The following AMTN variants were observed in gnomAD, a reference collection of about 807,000 sequenced individuals.
AMTN encodes amelotin, also known as RSTI689.
In AMTN, 29 loss-of-function variants were observed where a neutral mutation model predicts 27.4. The ratio of observed to expected loss-of-function variants is 1.06; its 90% confidence interval spans 0.79 to 1.44. AMTN has a LOEUF of 1.44. AMTN is among the 40% of genes most tolerant of loss of function. AMTN has a pLI of 0.00. For synonymous variants in AMTN, 86 were observed against 95.7 expected (o/e 0.90, Z 0.59); for missense variants, 247 against 248.8 (o/e 0.99, Z 0.05).
At chr4:70,522,569 TG>T (rs1450073379) in intron 2 of AMTN, among the ~76,000 whole-genome samples, 185 bp from the exon 3 acceptor site, 1 of 152,164 alleles carries the variant, frequency 6.6e-6, no homozygotes, top group Admixed American at 6.6e-5. Context: ...CCACCCCTCC[TG>T]GGCTGGCATT....
Position 70,531,093 on chromosome 4 carries a change from C to T in AMTN, c.412C>T (p.Pro138Ser). ...IHSLFPGGIL[P>S]TSQAGANPDV... ...TTCCTTGTTCCCGGGAGGCATCCTG[C>T]CCACCAGTCAGGCAGGGGCTAATCC... Residue 138 changes from proline to serine, a missense_variant, in exon 8 of 9, where the codon CCC becomes TCC. Coordinates refer to ENST00000339336, the MANE Select transcript of AMTN (RefSeq NM_212557.4). 6.2e-7 allele frequency: 1 copy of T among 1,614,098 alleles called. No individual in the cohort carries two copies. The highest frequency in any genetic ancestry group is 8.5e-7 in the Non-Finnish European group (1 of 1,179,998).
Position 70,532,624 on chromosome 4 carries a change from A to G in AMTN, c.*159A>G. On this transcript the variant is annotated 3_prime_UTR_variant, in exon 9 of 9. Transcript: ENST00000339336. Reference sequence around the variant, plus strand: ...AAATATTCTTGAAATTTCAGAAAATATGTTCTATGTAGAGAATCCCAACTT... The same window carrying G: ...AAATATTCTTGAAATTTCAGAAAATGTGTTCTATGTAGAGAATCCCAACTT... The G allele has an allele frequency of 1.5e-6, 1 of 662,788 alleles. No individual in the cohort carries two copies. Among genetic ancestry groups the G allele is most frequent in the East Asian group, 3.0e-5 (1 of 33,630 alleles). The allele number at this position is 662,788 out of a possible 1,614,324, so 41.1% of individuals were successfully genotyped here.
chr4:70,522,092 GT>G (rs902720499), intron 2 of AMTN, among the ~76,000 whole-genome samples: 6 of 151,464 alleles, frequency 4.0e-5, no homozygotes, highest in Admixed American at 6.6e-5. Flanking sequence ...CAAAAGAGAA[GT>G]TTTTTTTTCG....
intron 2 of AMTN, among the ~76,000 whole-genome samples, chr4:70,520,892 T>C (rs1030337515): frequency 6.6e-6 from 1 of 151,974 alleles, no homozygotes; most frequent in Non-Finnish European, 1.5e-5. Flanking sequence ...GAAAGAACAT[T>C]CCAGACAGAG....
chr4:70,520,449 G>A (rs1277522263), intron 2 of AMTN, among the ~76,000 whole-genome samples: 1 of 152,132 alleles, frequency 6.6e-6, no homozygotes, highest in Admixed American at 6.5e-5. Context: ...AAAATTTTGA[G>A]GATAGGTACC....
At position 70,524,925 on chromosome 4, in the gene AMTN, G is replaced by A. The variant is rs1222022187; in HGVS notation, c.258G>A (p.Leu86=). ...TPGTQTHPLT[L]GGLNVQQQLH... Reference sequence around the variant, plus strand: ...GTACCCAGACCCACCCATTGACCCTGGGAGGGTTGAATGTACAACAGCAAC... The same window carrying A: ...GTACCCAGACCCACCCATTGACCCTAGGAGGGTTGAATGTACAACAGCAAC... Residue 86 remains leucine (L), a synonymous_variant, in exon 5 of 9, where the codon CTG becomes CTA. Coordinates refer to ENST00000339336, the MANE Select transcript of AMTN (RefSeq NM_212557.4). 6.2e-7 allele frequency: 1 copy of A among 1,614,026 alleles called. No individual in the cohort carries two copies. Among genetic ancestry groups the A allele is most frequent in the African/African-American group, 1.3e-5 (1 of 75,042 alleles).
Position 70,531,278 on chromosome 4 carries a change from A to T in AMTN, c.597A>T (p.Glu199Asp). 6.2e-7 allele frequency: 1 copy of T among 1,613,860 alleles called. No individual in the cohort carries two copies. Among genetic ancestry groups the T allele is most frequent in the Non-Finnish European group, 8.5e-7 (1 of 1,179,806 alleles). Reference sequence around the variant, plus strand: ...AAAGGAGCACACATGCCATCGAGGAAGCCACCACAGAATCAGCAAATGGTA... The same window carrying T: ...AAAGGAGCACACATGCCATCGAGGATGCCACCACAGAATCAGCAAATGGTA... ...GIQRSTHAIE[E>D]ATTESANGIQ The change falls in exon 8 of 9, where the codon GAA becomes GAT. Residue 199 changes from glutamate (E) to aspartate (D), a missense_variant. Coordinates refer to ENST00000339336, the MANE Select transcript of AMTN (RefSeq NM_212557.4).
At position 70,531,179 on chromosome 4, in the gene AMTN, A is replaced by G; in HGVS notation, c.498A>G (p.Gly166=). The change falls in exon 8 of 9, where the codon GGA becomes GGG. Residue 166 remains glycine, a synonymous_variant. Transcript: ENST00000339336. The part of the protein sequence containing the change: ...GGAGVNPATQ[G]TPAGRLPTPS... ...CAGGTGTAAATCCTGCCACCCAGGGAACCCCAGCAGGCCGCCTCCCAACTC... is the reference window on the plus strand; with the variant it reads ...CAGGTGTAAATCCTGCCACCCAGGGGACCCCAGCAGGCCGCCTCCCAACTC... 1.2e-6 allele frequency: 2 copies of G among 1,613,688 alleles called. No individual in the cohort carries two copies. Among genetic ancestry groups the G allele is most frequent in the Non-Finnish European group, 1.7e-6 (2 of 1,179,922 alleles).
Position 70,521,640 on chromosome 4 carries a change from C to CTTTTTTTTTTTTTTTTT in AMTN, c.55-1095_55-1079dup, listed in dbSNP as rs763143860. ...CCTAGAACAGATAATACCAACCTCTCTTTTTTTTTTTTTTTTTTTTTTTTT... is the reference window on the plus strand; with the variant it reads ...CCTAGAACAGATAATACCAACCTCTCTTTTTTTTTTTTTTTTTTTTTTTTTTTTTTTTTTTTTTTTTT... On this transcript the variant is annotated intron_variant, in intron 2 of 8. Transcript: ENST00000339336. Among the ~76,000 whole-genome samples, 19 of 76,488 alleles carry CTTTTTTTTTTTTTTTTT rather than the reference C, an allele frequency of 2.5e-4. 4 individuals carry two copies. Among genetic ancestry groups the CTTTTTTTTTTTTTTTTT allele is most frequent in the Non-Finnish European group, 3.4e-4 (15 of 43,848 alleles). The allele number at this position is 76,488 out of a possible 152,430, so 50.2% of individuals were successfully genotyped here. A position where few individuals can be genotyped will look rare whatever the true frequency, so the allele number is the denominator to read the frequency against.
rs188140839 is a variant in AMTN at position 70,523,241 on chromosome 4, T to G, written c.138+403T>G. On this transcript the variant is annotated intron_variant, in intron 3 of 8. Coordinates refer to ENST00000339336, the MANE Select transcript of AMTN (RefSeq NM_212557.4). The stretch of plus-strand genomic sequence containing the variant: ...TCAGAGATGATCTATAAAAAATAAC[T>G]GCAGATTTCCTCCTGGCTTTGTAAA... Among the ~76,000 whole-genome samples the G allele has an allele frequency of 1.9e-3, 286 of 152,328 alleles. 1 individual carries two copies. Among genetic ancestry groups the G allele is most frequent in the African/African-American group, 6.4e-3 (266 of 41,572 alleles).
In AMTN at chr4:70,518,904, C is replaced by T. The variant is rs1376078683; in HGVS notation, c.54+73C>T. The stretch of plus-strand genomic sequence containing the variant: ...CTCTAGCTGCAGACCTACCTCTCTC[C>T]TGCCCTCCATCAAAACTGCTCTGTT... On this transcript the variant is annotated intron_variant, in intron 2 of 8. Transcript: ENST00000339336. The T allele has an allele frequency of 1.1e-5, 14 of 1,225,896 alleles. No individual in the cohort carries two copies. In the African/African-American group the frequency reaches 1.6e-4, roughly 14 times the overall value. 75.9% of individuals were successfully genotyped at this position (1,225,896 alleles called of 1,614,324 possible).
At chr4:70,523,768 C>A in intron 3 of AMTN, 100 bp from the exon 4 acceptor site, 1 of 1,034,562 alleles carries the variant, frequency 9.7e-7, no homozygotes, top group Non-Finnish European at 1.5e-6. Flanking sequence ...GGTAAACCCA[C>A]CTCTGACAGG....
chr4:70,525,702 C>A (rs1050629059), intron 5 of AMTN, among the ~76,000 whole-genome samples: 1 of 152,176 alleles, frequency 6.6e-6, no homozygotes, highest in African/African-American at 2.4e-5. Context: ...TTGAGACCAG[C>A]CTGGGCAACA....
chr4:70,524,776 C>T, intron 4 of AMTN, 96 bp from the exon 5 acceptor site: 2 of 1,157,390 alleles, frequency 1.7e-6, no homozygotes, highest in Non-Finnish European at 2.5e-6. Context: ...CAACTCCTTC[C>T]TTTAAATATA....
chr4:70,528,832 A>G, intron 6 of AMTN, 74 bp downstream of exon 6: 2 of 1,293,390 alleles, frequency 1.5e-6, no homozygotes, highest in Non-Finnish European at 1.1e-6. Context: ...TCCTCAATTC[A>G]CTAGATAGTT....
rs750679846 is a variant in AMTN, at chr4:70,529,223, A to G, written c.357+13A>G. The G allele has an allele frequency of 2.6e-6, 4 of 1,530,848 alleles. No homozygotes were observed. Among genetic ancestry groups the G allele is most frequent in the Non-Finnish European group, 3.5e-6 (4 of 1,139,854 alleles). 94.8% of individuals were successfully genotyped at this position (1,530,848 alleles called of 1,614,324 possible). On this transcript the variant is annotated intron_variant, in intron 7 of 8. Coordinates refer to ENST00000339336, the MANE Select transcript of AMTN (RefSeq NM_212557.4). ...CTCAGAGGAATTGGTAAAAAAAATA[A>G]AAATACTATTTCAAATTATTTTCAC... is the stretch of plus-strand genomic sequence containing the variant.
rs1440869429 is a variant in AMTN at position 70,522,665 on chromosome 4, T to C, written c.55-90T>C. On this transcript the variant is annotated intron_variant, in intron 2 of 8. Transcript: ENST00000339336. ...ATACACAAAGCCTAAAAGATAGACA[T>C]GTTTGCATTGGTGGCAACCTGGATA... The C allele has an allele frequency of 4.3e-6, 5 of 1,175,906 alleles. No individual in the cohort carries two copies. The African/African-American group carries it at 4.5e-5, about 11-fold the overall frequency. 72.8% of individuals were successfully genotyped at this position (1,175,906 alleles called of 1,614,324 possible). A position where few individuals can be genotyped will look rare whatever the true frequency, so the allele number is the denominator to read the frequency against.
intron 2 of AMTN, 50 bp from the exon 3 acceptor site, chr4:70,522,705 A>G (rs1332019333): frequency 1.3e-6 from 2 of 1,581,020 alleles, no homozygotes; most frequent in Admixed American, 3.3e-5. Flanking sequence ...TGGACACAAA[A>G]TCTTAAACAC....
rs553962266 is a variant in AMTN, at chr4:70,528,158, T to G, written c.295-565T>G. 2.0e-4 allele frequency among the ~76,000 whole-genome samples: 30 copies of G among 152,318 alleles called. No homozygotes were observed. The East Asian group carries it at 2.5e-3, about 13-fold the overall frequency. ...GGAGACTTCTTGAGAACAATTTTTTTTTGTTGTTTATCCAGTTTACTAACT... is the reference window on the plus strand; with the variant it reads ...GGAGACTTCTTGAGAACAATTTTTTGTTGTTGTTTATCCAGTTTACTAACT... On this transcript the variant is annotated intron_variant, in intron 5 of 8. Coordinates refer to ENST00000339336, the MANE Select transcript of AMTN (RefSeq NM_212557.4).
Sources: gnomAD v4.1 joint callset for allele counts (sites outside exome capture counted in the v4.1 genomes callset) on GRCh38, gnomAD v4.1.1 for gene constraint, MANE v1.5 for transcripts, NCBI Gene and HGNC (gene_info 2026-07-23, HGNC 2026-07-21) for gene names.